CCBE1: variants seen among roughly 807,000 people sequenced by gnomAD.
CCBE1 encodes collagen and calcium-binding EGF domain-containing protein 1.
A neutral mutation model predicts 50.0 loss-of-function variants in CCBE1; 37 were observed. That is an observed-to-expected ratio of 0.74 (90% CI 0.57 to 0.97). CCBE1 has a LOEUF of 0.97. Among genes scored for constraint, CCBE1 ranks in the 50% least tolerant of loss-of-function variants. The pLI, the probability that CCBE1 is intolerant of heterozygous loss-of-function variation, is 0.00. For missense variants in CCBE1, 538 were observed against 523.8 expected (o/e 1.03, Z -0.26); for synonymous variants, 234 against 203.7 (o/e 1.15, Z -1.27).
intron 2 of CCBE1, among the ~76,000 whole-genome samples, chr18:59,573,986 T>C (rs576376961): frequency 4.6e-5 from 7 of 152,322 alleles, no homozygotes; most frequent in African/African-American, 1.7e-4. Flanking sequence ...ATAATTACCA[T>C]TCTAAATGCT....
At chr18:59,555,041 C>T (rs768440794) in intron 2 of CCBE1, among the ~76,000 whole-genome samples, 20 of 152,316 alleles carry the variant, frequency 1.3e-4, no homozygotes, top group Non-Finnish European at 2.5e-4. Flanking sequence ...TTCTAACATT[C>T]ATTGTATTCT....
chr18:59,466,681 A>C, intron 5 of CCBE1, 58 bp downstream of exon 5: 1 of 1,207,940 alleles, frequency 8.3e-7, no homozygotes, highest in Non-Finnish European at 1.2e-6. Flanking sequence ...CAAACTGGTT[A>C]TATATATAAT....
At chr18:59,547,855 T>C (rs1406951203) in intron 2 of CCBE1, among the ~76,000 whole-genome samples, 1 of 152,186 alleles carries the variant, frequency 6.6e-6, no homozygotes, top group Non-Finnish European at 1.5e-5. Context: ...CCACAGCTGA[T>C]TCAGCAGGAG....
intron 2 of CCBE1, chr18:59,696,351 C>G: frequency 1.5e-6 from 1 of 687,332 alleles, no homozygotes; most frequent in Admixed American, 3.2e-5. Context: ...CCAATCCAAT[C>G]TCCTTCACAG....
chr18:59,524,200 A>C (rs1914722122), intron 2 of CCBE1, among the ~76,000 whole-genome samples: 1 of 152,142 alleles, frequency 6.6e-6, no homozygotes, highest in East Asian at 1.9e-4. Flanking sequence ...CATGCCCGTA[A>C]TCCCAGTTAC....
Position 59,508,711 on chromosome 18 carries a change from C to CTTTTTTTTT in CCBE1, c.213-28482_213-28474dup, listed in dbSNP as rs55881131. Among the ~76,000 whole-genome samples the CTTTTTTTTT allele has an allele frequency of 2.5e-3, 238 of 95,674 alleles. 31 individuals are homozygous for CTTTTTTTTT. Among genetic ancestry groups the CTTTTTTTTT allele is most frequent in the East Asian group, 0.01 (31 of 3,032 alleles). The allele number at this position is 95,674 out of a possible 152,430, so 62.8% of individuals were successfully genotyped here. ...AGCACAGTACACACATAGAGTTACG[C>CTTTTTTTTT]TTTTTTTTTTTTTTTTTTTTTTGAG... On this transcript the variant is annotated intron_variant, in intron 2 of 10. Coordinates refer to ENST00000439986, the MANE Select transcript of CCBE1 (RefSeq NM_133459.4).
At chr18:59,527,162 T>A (rs1204512358) in intron 2 of CCBE1, among the ~76,000 whole-genome samples, 1 of 152,234 alleles carries the variant, frequency 6.6e-6, no homozygotes, top group East Asian at 1.9e-4. Context: ...TCTAAGAACT[T>A]GTTTTATGAA....
chr18:59,683,972 G>C lies in CCBE1; in HGVS notation c.212+12657C>G, dbSNP rs148164823. On this transcript the variant is annotated intron_variant, in intron 2 of 10. Coordinates refer to ENST00000439986, the MANE Select transcript of CCBE1 (RefSeq NM_133459.4). ...CAGCAGGGTAGCAGCTGGACCACCAGAACTCCCAGGGCCAGTTGTCTTCAG... is the reference window on the plus strand; with the variant it reads ...CAGCAGGGTAGCAGCTGGACCACCACAACTCCCAGGGCCAGTTGTCTTCAG... Among the ~76,000 whole-genome samples, 289 of 151,902 alleles carry C rather than the reference G, an allele frequency of 1.9e-3. 1 individual carries two copies. Among genetic ancestry groups the C allele is most frequent in the African/African-American group, 6.3e-3 (262 of 41,426 alleles).
At chr18:59,540,240 T>A (rs551995808) in intron 2 of CCBE1, among the ~76,000 whole-genome samples, 19 of 152,024 alleles carry the variant, frequency 1.2e-4, no homozygotes, top group Non-Finnish European at 2.5e-4. Flanking sequence ...AACATTAGAC[T>A]TTTTTTTGTT....
chr18:59,670,444 G>T (rs751856248), intron 2 of CCBE1, among the ~76,000 whole-genome samples: 2 of 152,146 alleles, frequency 1.3e-5, no homozygotes, highest in Non-Finnish European at 2.9e-5. Flanking sequence ...CTAAGGGAAG[G>T]CATGTGAGCC....
chr18:59,661,008 T>G (rs1407690275), intron 2 of CCBE1, among the ~76,000 whole-genome samples: 1 of 151,654 alleles, frequency 6.6e-6, no homozygotes, highest in African/African-American at 2.4e-5. Context: ...GGTGTTTTTT[T>G]TTGTTTTTGT....
rs187069237 is a variant in CCBE1 at position 59,604,185 on chromosome 18, C to T, written c.212+92444G>A. On this transcript the variant is annotated intron_variant, in intron 2 of 10. Coordinates refer to ENST00000439986, the MANE Select transcript of CCBE1 (RefSeq NM_133459.4). ...CTTCACCCCATAAGAGCTTCGCTGA[C>T]GGAGGGTCACATAAGGCCAAAACAG... 1.4e-3 allele frequency among the ~76,000 whole-genome samples: 207 copies of T among 152,330 alleles called. 1 individual carries two copies. Among genetic ancestry groups the T allele is most frequent in the Non-Finnish European group, 2.3e-3 (159 of 68,030 alleles).
chr18:59,633,427 C>T (rs1250100433), intron 2 of CCBE1, among the ~76,000 whole-genome samples: 1 of 152,224 alleles, frequency 6.6e-6, no homozygotes, highest in Non-Finnish European at 1.5e-5. Context: ...TTTCTCTGGT[C>T]CAAATTCAGG....
intron 2 of CCBE1, among the ~76,000 whole-genome samples, chr18:59,481,489 C>T (rs1245230254): frequency 1.3e-5 from 2 of 152,266 alleles, no homozygotes; most frequent in East Asian, 1.9e-4. Context: ...AAGCCCCAAA[C>T]GCCTAACTAC....
chr18:59,680,295 A>C (rs2054569874), intron 2 of CCBE1, among the ~76,000 whole-genome samples: 1 of 151,764 alleles, frequency 6.6e-6, no homozygotes, highest in East Asian at 1.9e-4. Context: ...CAGAGGGGTG[A>C]CTTTGAATAG....
chr18:59,577,278 CAG>C (rs1242251200), intron 2 of CCBE1, among the ~76,000 whole-genome samples: 1 of 152,220 alleles, frequency 6.6e-6, no homozygotes, highest in Non-Finnish European at 1.5e-5. Context: ...AGCTCAACCT[CAG>C]AGGCTGCTCT....
intron 2 of CCBE1, among the ~76,000 whole-genome samples, chr18:59,567,337 T>C (rs1167398523): frequency 2.0e-5 from 3 of 152,222 alleles, no homozygotes; most frequent in Non-Finnish European, 2.9e-5. Flanking sequence ...TTTCGCCATG[T>C]TGGCCAGGCT....
intron 2 of CCBE1, among the ~76,000 whole-genome samples, chr18:59,626,067 G>C (rs1599076457): frequency 6.6e-6 from 1 of 152,228 alleles, no homozygotes; most frequent in East Asian, 1.9e-4. Context: ...AATCCTGGGG[G>C]CTAAAAATGC....
intron 1 of CCBE1, 45 bp from the exon 2 acceptor site, chr18:59,696,754 C>T: frequency 6.3e-7 from 1 of 1,595,606 alleles, no homozygotes; most frequent in Non-Finnish European, 8.6e-7. Flanking sequence ...AGCGGGAGAG[C>T]GGAGGCGGGC....
Sources: allele counts gnomAD v4.1 joint callset (sites outside exome capture counted in the v4.1 genomes callset), GRCh38; gene constraint gnomAD v4.1.1; transcripts MANE v1.5; gene names NCBI Gene and HGNC (gene_info 2026-07-23, HGNC 2026-07-21).